The following PTPRD variants were observed in gnomAD, a reference collection of about 807,000 sequenced individuals.
PTPRD encodes the protein protein tyrosine phosphatase receptor type D, also known as receptor-type tyrosine-protein phosphatase delta.
PTPRD carries 34 observed loss-of-function variants against 214.5 expected under a neutral mutation model. That is an observed-to-expected ratio of 0.16 (90% CI 0.12 to 0.21). The LOEUF (loss-of-function observed/expected upper bound fraction) is 0.21, where lower values mean the gene tolerates loss of function less well. Ranked by LOEUF, PTPRD falls within the 10% of genes least tolerant of loss-of-function variation. The probability of loss-of-function intolerance (pLI) is 1.00; values close to 1 mark genes in which losing one functional copy is unlikely to be tolerated. For synonymous variants in PTPRD, 1,128 were observed against 845.7 expected (o/e 1.33, Z -5.79); for missense variants, 2,545 against 2,398.7 (o/e 1.06, Z -1.27).
At chr9:10,334,663 AG>A (rs2096812864) in intron 3 of PTPRD, among the ~76,000 whole-genome samples, 1 of 151,506 alleles carries the variant, frequency 6.6e-6, no homozygotes, top group Admixed American at 6.6e-5. Flanking sequence ...CAGAAAATCC[AG>A]AACAACAACA....
At chr9:10,482,434 G>A (rs1410047055) in intron 2 of PTPRD, among the ~76,000 whole-genome samples, 1 of 151,728 alleles carries the variant, frequency 6.6e-6, no homozygotes, top group African/African-American at 2.4e-5. Context: ...CAATAATTAG[G>A]CAAGATAAAG....
chr9:10,461,698 C>T (rs1295196328), intron 2 of PTPRD, among the ~76,000 whole-genome samples: 1 of 151,334 alleles, frequency 6.6e-6, no homozygotes, highest in Non-Finnish European at 1.5e-5. Context: ...TATCAGCTCA[C>T]TGCAACCTCT....
At chr9:10,060,185 T>C (rs1287490806) in intron 3 of PTPRD, among the ~76,000 whole-genome samples, 3 of 152,180 alleles carry the variant, frequency 2.0e-5, no homozygotes, top group African/African-American at 7.2e-5. Flanking sequence ...AATAACACAT[T>C]TCATTTCTGT....
intron 5 of PTPRD, among the ~76,000 whole-genome samples, chr9:9,881,064 CATT>C (rs1425217586): frequency 2.6e-5 from 4 of 152,112 alleles, no homozygotes; most frequent in Admixed American, 6.5e-5. Context: ...GGAAAAGTCT[CATT>C]AGCCATTTTG....
chr9:10,033,781 CA>C lies in PTPRD; in HGVS notation c.-536del, dbSNP rs2154134291. 1 of 152,140 alleles carries C rather than the reference CA, an allele frequency of 6.6e-6. No homozygotes were observed. Among genetic ancestry groups the C allele is most frequent in the African/African-American group, 2.4e-5 (1 of 41,532 alleles). 9.4% of individuals were successfully genotyped at this position (152,140 alleles called of 1,614,324 possible). On this transcript the variant is annotated 5_prime_UTR_variant, in exon 4 of 46. Coordinates refer to ENST00000381196, the MANE Select transcript of PTPRD (RefSeq NM_002839.4). ...GGAGGATGAAAAGTATCAGACTCCT[CA>C]AGATTTCCCTGAAAGGAAAAGTGAG...
At chr9:9,895,977 T>C (rs1566085641) in intron 5 of PTPRD, among the ~76,000 whole-genome samples, 1 of 152,114 alleles carries the variant, frequency 6.6e-6, no homozygotes, top group Non-Finnish European at 1.5e-5. Flanking sequence ...AGAGCATGAA[T>C]GATGGGTAGC....
chr9:9,713,487 G>C (rs1434887146), intron 7 of PTPRD, among the ~76,000 whole-genome samples: 1 of 152,050 alleles, frequency 6.6e-6, no homozygotes, highest in Non-Finnish European at 1.5e-5. Flanking sequence ...TAAATATTTA[G>C]AAAAATATTA....
At chr9:10,488,134 G>A (rs539380607) in intron 2 of PTPRD, among the ~76,000 whole-genome samples, 8 of 151,940 alleles carry the variant, frequency 5.3e-5, no homozygotes, top group South Asian at 4.1e-4. Context: ...TTGGGAGCCC[G>A]AGCCGGGTGG....
At chr9:9,302,039 T>C (rs893646801) in intron 9 of PTPRD, among the ~76,000 whole-genome samples, 2 of 151,974 alleles carry the variant, frequency 1.3e-5, no homozygotes, top group Non-Finnish European at 2.9e-5. Flanking sequence ...AGCAAATTGA[T>C]AAATTATAAA....
intron 10 of PTPRD, among the ~76,000 whole-genome samples, chr9:9,041,348 G>A (rs749676456): frequency 6.6e-6 from 1 of 151,930 alleles, no homozygotes; most frequent in African/African-American, 2.4e-5. Context: ...TATTTTTCCT[G>A]ATCCTCTGCC....
intron 8 of PTPRD, among the ~76,000 whole-genome samples, chr9:9,520,378 A>G (rs956795710): frequency 3.0e-4 from 45 of 151,184 alleles, no homozygotes; most frequent in Admixed American, 2.6e-3. Context: ...TGACAGAATT[A>G]TCTTTGTATT....
chr9:8,346,173 G>A (rs911180676), intron 39 of PTPRD, among the ~76,000 whole-genome samples: 1 of 146,572 alleles, frequency 6.8e-6, no homozygotes, highest in African/African-American at 2.4e-5. Context: ...CTCTTACCCT[G>A]CAAAATAATA....
chr9:9,959,657 G>A (rs1306412807), intron 4 of PTPRD, among the ~76,000 whole-genome samples: 1 of 152,278 alleles, frequency 6.6e-6, no homozygotes, highest in South Asian at 2.1e-4. Flanking sequence ...AATGCTAGAG[G>A]CAAAAGGAGG....
chr9:8,660,763 T>C (rs1227633777), intron 12 of PTPRD, among the ~76,000 whole-genome samples: 2 of 152,096 alleles, frequency 1.3e-5, no homozygotes, highest in Non-Finnish European at 2.9e-5. Context: ...AGAAGTAAGG[T>C]TTTATATACA....
rs143009791 is a variant in PTPRD at position 9,273,832 on chromosome 9, T to C, written c.-202-90469A>G. The stretch of plus-strand genomic sequence containing the variant: ...TCTGACTAGGAGTTTTGACCCATTC[T>C]TGTTCATCATTCAGTCTTCTTATTT... On this transcript the variant is annotated intron_variant, in intron 9 of 45. Coordinates refer to ENST00000381196, the MANE Select transcript of PTPRD (RefSeq NM_002839.4). 8.5e-3 allele frequency among the ~76,000 whole-genome samples: 1,291 copies of C among 151,446 alleles called. 71 individuals are homozygous for C. Among genetic ancestry groups the C allele is most frequent in the Admixed American group, 0.078 (1,184 of 15,156 alleles).
At chr9:9,551,669 G>A (rs2154282566) in intron 8 of PTPRD, among the ~76,000 whole-genome samples, 1 of 151,870 alleles carries the variant, frequency 6.6e-6, no homozygotes. Context: ...AATTCCATTG[G>A]ACTTTCCATT....
rs535237298 is a variant in PTPRD at position 10,194,046 on chromosome 9, T to C, written c.-545+146917A>G. Among the ~76,000 whole-genome samples the C allele has an allele frequency of 9.2e-5, 14 of 152,096 alleles. No homozygotes were observed. The South Asian group carries it at 2.9e-3, about 32-fold the overall frequency. On this transcript the variant is annotated intron_variant, in intron 3 of 45. Coordinates refer to ENST00000381196, the MANE Select transcript of PTPRD (RefSeq NM_002839.4). ...CTCTTTCTCCAAAGTACTTCTAAAA[T>C]AAATGATAACACCCAAATACGTACT...
intron 7 of PTPRD, among the ~76,000 whole-genome samples, chr9:9,686,562 T>A (rs923417323): frequency 6.6e-6 from 1 of 151,582 alleles, no homozygotes; most frequent in Non-Finnish European, 1.5e-5. Context: ...GTCACCTTTG[T>A]GGTGGCTAAT....
intron 5 of PTPRD, among the ~76,000 whole-genome samples, chr9:9,802,769 T>G (rs2153515001): frequency 6.6e-6 from 1 of 152,022 alleles, no homozygotes; most frequent in East Asian, 1.9e-4. Flanking sequence ...ATATATTATC[T>G]GAGGACTTCT....
Sources: allele counts gnomAD v4.1 joint callset (sites outside exome capture counted in the v4.1 genomes callset), GRCh38; gene constraint gnomAD v4.1.1; transcripts MANE v1.5; gene names NCBI Gene and HGNC (gene_info 2026-07-23, HGNC 2026-07-21).